The following ZNF652 variants were observed in gnomAD, a reference collection of about 807,000 sequenced individuals.
ZNF652 encodes the protein zinc finger protein 652.
Under a neutral mutation model 45.2 loss-of-function variants are expected in ZNF652, and 16 were observed. That is an observed-to-expected ratio of 0.35 (90% CI 0.24 to 0.54). The LOEUF (loss-of-function observed/expected upper bound fraction) is 0.54, where lower values mean the gene tolerates loss of function less well. Among genes scored for constraint, ZNF652 ranks in the 20% least tolerant of loss-of-function variants. ZNF652 has a pLI of 0.91. For missense variants in ZNF652, 614 were observed against 765.6 expected (o/e 0.80, Z 2.34); for synonymous variants, 250 against 260.6 (o/e 0.96, Z 0.39).
Position 49,293,168 on chromosome 17 carries a change from G to GT in ZNF652, c.*5244dup, listed in dbSNP as rs1389423312. ...AACAAAGCAGAAAGAAAGCCACCTTGTAAGTAGTTTCTTACTACAATACAG... is the reference window on the plus strand; with the variant it reads ...AACAAAGCAGAAAGAAAGCCACCTTGTTAAGTAGTTTCTTACTACAATACAG... On this transcript the variant is annotated 3_prime_UTR_variant, in exon 6 of 6. Transcript: ENST00000430262. Among the ~76,000 whole-genome samples the GT allele has an allele frequency of 2.6e-5, 4 of 152,182 alleles. No homozygotes were observed. Among genetic ancestry groups the GT allele is most frequent in the African/African-American group, 7.2e-5 (3 of 41,440 alleles).
At chr17:49,319,613 C>G (rs1023147831) in intron 1 of ZNF652, among the ~76,000 whole-genome samples, 1 of 116,594 alleles carries the variant, frequency 8.6e-6, no homozygotes, top group South Asian at 2.9e-4. Context: ...AGCCTGGCGA[C>G]AGAGCTAGCT....
At chr17:49,336,630 CT>C (rs35620384) in intron 1 of ZNF652, among the ~76,000 whole-genome samples, 182 of 141,620 alleles carry the variant, frequency 1.3e-3, no homozygotes, top group Admixed American at 1.3e-3. Flanking sequence ...CGGCCTTTTA[CT>C]TTTTTTTTTT....
intron 2 of ZNF652, among the ~76,000 whole-genome samples, chr17:49,313,209 G>T (rs947901830): frequency 5.6e-4 from 86 of 152,290 alleles, no homozygotes; most frequent in Middle Eastern, 3.4e-3. Context: ...AGGCCGGAGT[G>T]CAGTGGCGCG....
intron 1 of ZNF652, among the ~76,000 whole-genome samples, chr17:49,347,208 A>G (rs1172530302): frequency 6.6e-6 from 1 of 152,234 alleles, no homozygotes; most frequent in Non-Finnish European, 1.5e-5. Context: ...GAAACTAAAC[A>G]GTTGAGGGGA....
chr17:49,311,804 G>A (rs975301636), intron 4 of ZNF652, 123 bp downstream of exon 4: 68 of 765,402 alleles, frequency 8.9e-5, no homozygotes, highest in East Asian at 2.6e-5. Context: ...CAGAACACAT[G>A]TCTGAAAGTT....
At chr17:49,325,349 C>T (rs140950135) in intron 1 of ZNF652, among the ~76,000 whole-genome samples, 227 of 152,166 alleles carry the variant, frequency 1.5e-3, no homozygotes, top group African/African-American at 4.7e-3. Flanking sequence ...ACAGTATGAA[C>T]GCATATAACA....
At chr17:49,332,948 G>A (rs1598304961) in intron 1 of ZNF652, among the ~76,000 whole-genome samples, 1 of 152,206 alleles carries the variant, frequency 6.6e-6, no homozygotes, top group East Asian at 1.9e-4. Context: ...TAAGGCAGGA[G>A]GATCATATGA....
intron 1 of ZNF652, among the ~76,000 whole-genome samples, chr17:49,336,648 A>G (rs1000074174): frequency 2.1e-5 from 3 of 143,376 alleles, no homozygotes; most frequent in African/African-American, 7.8e-5. Context: ...TTTTTTTGAG[A>G]CAGAGTCTTG....
At chr17:49,339,094 C>T (rs1489218064) in intron 1 of ZNF652, among the ~76,000 whole-genome samples, 1 of 151,476 alleles carries the variant, frequency 6.6e-6, no homozygotes, top group Non-Finnish European at 1.5e-5. Context: ...GTGGGTGATA[C>T]TTAACCAGCC....
At chr17:49,320,527 T>C (rs2069875735) in intron 1 of ZNF652, among the ~76,000 whole-genome samples, 1 of 152,240 alleles carries the variant, frequency 6.6e-6, no homozygotes, top group South Asian at 2.1e-4. Flanking sequence ...AAATGACACC[T>C]TGAAATAATT....
chr17:49,347,971 C>T lies in ZNF652; in HGVS notation c.-259+13938G>A, dbSNP rs2070224423. Among the ~76,000 whole-genome samples, 3 of 151,942 alleles carry T rather than the reference C, an allele frequency of 2.0e-5. No homozygotes were observed. In the South Asian group the frequency reaches 6.2e-4, roughly 32 times the overall value. ...ATGTTGCCCAGGCTGTTCTCAAACT[C>T]CTGGCCTCAAACAATCCACCCGCCT... On this transcript the variant is annotated intron_variant, in intron 1 of 5. Coordinates refer to ENST00000430262, the MANE Select transcript of ZNF652 (RefSeq NM_001145365.3).
At chr17:49,353,761 G>A (rs2070306625) in intron 1 of ZNF652, among the ~76,000 whole-genome samples, 1 of 152,158 alleles carries the variant, frequency 6.6e-6, no homozygotes, top group Non-Finnish European at 1.5e-5. Context: ...GGGCACGCAT[G>A]CACTGCTTCT....
chr17:49,306,234 A>T lies in ZNF652; in HGVS notation c.1309+5078T>A, dbSNP rs558651503. Among the ~76,000 whole-genome samples the T allele has an allele frequency of 1.6e-4, 24 of 152,364 alleles. 1 individual carries two copies. The highest frequency in any genetic ancestry group is 4.8e-4 in the African/African-American group (20 of 41,590). On this transcript the variant is annotated intron_variant, in intron 5 of 5. Transcript: ENST00000430262. ...AAAGTATTTCAACATTAATGAAATT[A>T]AAAAAGTCAAACACTGTAATGGAAA... is the stretch of plus-strand genomic sequence containing the variant.
intron 1 of ZNF652, among the ~76,000 whole-genome samples, chr17:49,350,405 G>A (rs916716591): frequency 3.3e-5 from 5 of 151,796 alleles, no homozygotes; most frequent in Admixed American, 3.3e-4. Context: ...CAGACGTGGT[G>A]ATGCGTGCCT....
At chr17:49,336,965 T>TTTTTTTGTTA (rs66568404) in intron 1 of ZNF652, among the ~76,000 whole-genome samples, 1 of 114,794 alleles carries the variant, frequency 8.7e-6, no homozygotes, top group Non-Finnish European at 1.8e-5. Flanking sequence ...TTTTTTTTTT[T>TTTTTTTGTTA]AAGTATGTAA....
intron 1 of ZNF652, among the ~76,000 whole-genome samples, chr17:49,335,938 G>A (rs758869502): frequency 6.6e-6 from 1 of 151,954 alleles, no homozygotes; most frequent in Non-Finnish European, 1.5e-5. Flanking sequence ...CTCTGCCTTA[G>A]TCAGAAAGCA....
chr17:49,331,520 T>C (rs1055595559), intron 1 of ZNF652, among the ~76,000 whole-genome samples: 7 of 152,190 alleles, frequency 4.6e-5, no homozygotes, highest in Admixed American at 2.0e-4. Context: ...ACATTGTGGC[T>C]ACCTATGATA....
chr17:49,309,463 T>C (rs747354576), intron 5 of ZNF652, among the ~76,000 whole-genome samples: 1 of 150,156 alleles, frequency 6.7e-6, no homozygotes, highest in Non-Finnish European at 1.5e-5. Context: ...GAGCCAAGAT[T>C]GTGCCACTGC....
chr17:49,332,529 A>G (rs2070036021), intron 1 of ZNF652, among the ~76,000 whole-genome samples: 1 of 152,210 alleles, frequency 6.6e-6, no homozygotes, highest in Non-Finnish European at 1.5e-5. Context: ...ACAATTTTAC[A>G]AACAATTTCA....
Sources: allele counts gnomAD v4.1 joint callset (sites outside exome capture counted in the v4.1 genomes callset), GRCh38; gene constraint gnomAD v4.1.1; transcripts MANE v1.5; gene names NCBI Gene and HGNC (gene_info 2026-07-23, HGNC 2026-07-21).